Variants in CHRNA6 observed in about 807,000 individuals in gnomAD.
CHRNA6 encodes cholinergic receptor nicotinic alpha 6 subunit, also known as neuronal acetylcholine receptor subunit alpha-6.
A neutral mutation model predicts 40.9 loss-of-function variants in CHRNA6; 31 were observed. The ratio of observed to expected loss-of-function variants is 0.76; its 90% CI spans 0.57 to 1.02. CHRNA6 has a LOEUF of 1.02. Among genes scored for constraint, CHRNA6 ranks in the 50% least tolerant of loss-of-function variants. CHRNA6 has a pLI of 0.00. For synonymous variants in CHRNA6, 222 were observed against 221.3 expected, an observed-to-expected ratio of 1.00 and a Z score of -0.03; for missense variants, 546 against 596.6, an observed-to-expected ratio of 0.92 and a Z score of 0.88.
At chr8:42,761,300 G>A (rs533526275) in intron 2 of CHRNA6, among the ~76,000 whole-genome samples, 13 of 152,198 alleles carry the variant, frequency 8.5e-5, no homozygotes, top group Non-Finnish European at 1.3e-4. Context: ...ATGGCTTTAC[G>A]ATTACACAAG....
chr8:42,759,471 G>C (rs942464170), intron 2 of CHRNA6: 1 of 230,220 alleles, frequency 4.3e-6, no homozygotes, highest in Non-Finnish European at 8.9e-6. Context: ...AGATGCTGCA[G>C]AAAGTGGTGA....
intron 2 of CHRNA6, among the ~76,000 whole-genome samples, chr8:42,764,184 G>C (rs1310222548): frequency 1.3e-5 from 2 of 152,106 alleles, no homozygotes; most frequent in African/African-American, 2.4e-5. Flanking sequence ...ATGGGGGGGC[G>C]CAAAGATTAT....
At chr8:42,757,234 C>T (rs1346004927) in intron 3 of CHRNA6, among the ~76,000 whole-genome samples, 197 bp from the exon 4 acceptor site, 1 of 151,790 alleles carries the variant, frequency 6.6e-6, no homozygotes, top group Non-Finnish European at 1.5e-5. Context: ...GGTGTGGTGG[C>T]CAGCGCCTGT....
At position 42,753,160 on chromosome 8, in the gene CHRNA6, A is replaced by G. The variant is rs1208249339; in HGVS notation, c.*19T>C. 6.3e-7 allele frequency: 1 copy of G among 1,586,810 alleles called. No individual in the cohort carries two copies. Among genetic ancestry groups the G allele is most frequent in the Non-Finnish European group, 8.5e-7 (1 of 1,172,510 alleles). On this transcript the variant is annotated 3_prime_UTR_variant, in exon 6 of 6. Coordinates refer to ENST00000276410, the MANE Select transcript of CHRNA6 (RefSeq NM_004198.3). ...AAATATGGTGTCTGTAAATTTCTGAACATAAAAGAAAATACATTTTAAGAT... is the reference window on the plus strand; with the variant it reads ...AAATATGGTGTCTGTAAATTTCTGAGCATAAAAGAAAATACATTTTAAGAT...
At chr8:42,755,269 A>ATGTTTGTTTGTTTGTT (rs111982947) in intron 5 of CHRNA6, among the ~76,000 whole-genome samples, 2,041 of 148,350 alleles carry the variant, frequency 0.014, 49 homozygotes, top group African/African-American at 0.049. Flanking sequence ...GTTGCCCTGA[A>ATGTTTGTTTGTTTGTT]TGTTTGTTTG....
chr8:42,753,245 A>G lies in CHRNA6; in HGVS notation c.1419T>C (p.Ile473=). 1 of 1,612,180 alleles carries G rather than the reference A, an allele frequency of 6.2e-7. No individual in the cohort carries two copies. The highest frequency in any genetic ancestry group is 8.5e-7 in the Non-Finnish European group (1 of 1,178,752). The change falls in exon 6 of 6, where the codon ATT becomes ATC. Residue 473 remains isoleucine (I), a synonymous_variant. Coordinates refer to ENST00000276410, the MANE Select transcript of CHRNA6 (RefSeq NM_004198.3). ...VDRVFLWVFI[I]VCVFGTAGLF... is the part of the protein sequence containing the mutation. ...GCCCTGCAGTTCCAAATACACAGAC[A>G]ATTATAAATACCCAAAGAAATACTC...
chr8:42,762,114 C>T (rs949629503), intron 2 of CHRNA6, among the ~76,000 whole-genome samples: 1 of 152,180 alleles, frequency 6.6e-6, no homozygotes, highest in African/African-American at 2.4e-5. Flanking sequence ...GATCAGACAG[C>T]GGGCCTTTTC....
In CHRNA6 at chr8:42,768,537, G is replaced by A. The variant is rs1817002934; in HGVS notation, c.-107C>T. On this transcript the variant is annotated 5_prime_UTR_variant, in exon 1 of 6. Transcript: ENST00000276410. ...ACCTTGACATCATCAGAAGCCCACT[G>A]CAATCCGTGTGTGTCTTCTCAGAAA... 1 of 750,114 alleles carries A rather than the reference G, an allele frequency of 1.3e-6. No individual in the cohort carries two copies. The highest frequency in any genetic ancestry group is 2.4e-6 in the Non-Finnish European group (1 of 425,160). 46.5% of individuals were successfully genotyped at this position (750,114 alleles called of 1,614,324 possible).
chr8:42,766,486 C>T (rs551042007), intron 1 of CHRNA6, among the ~76,000 whole-genome samples: 113 of 144,978 alleles, frequency 7.8e-4, no homozygotes, highest in African/African-American at 2.5e-3. Flanking sequence ...AGTGAGACTC[C>T]GTCTCAAAAA....
At chr8:42,764,296 T>C (rs964683424) in intron 2 of CHRNA6, among the ~76,000 whole-genome samples, 2 of 152,160 alleles carry the variant, frequency 1.3e-5, no homozygotes, top group African/African-American at 4.8e-5. Context: ...CAAGGCTGAA[T>C]GGAATTGCAT....
chr8:42,768,720 G>A lies in CHRNA6; in HGVS notation c.-290C>T. On this transcript the variant is annotated 5_prime_UTR_variant, in exon 1 of 6. Transcript: ENST00000276410. ...CATGCAAGAAAGGGGAAGAAAAGCAGAAAAGAAATGCTGGGGCAGACAGGA... is the reference window on the plus strand; with the variant it reads ...CATGCAAGAAAGGGGAAGAAAAGCAAAAAAGAAATGCTGGGGCAGACAGGA... 3.5e-6 allele frequency: 1 copy of A among 289,102 alleles called. No individual in the cohort carries two copies. Among genetic ancestry groups the A allele is most frequent in the South Asian group, 8.2e-5 (1 of 12,222 alleles). 17.9% of individuals were successfully genotyped at this position (289,102 alleles called of 1,614,324 possible).
intron 5 of CHRNA6, 21 bp from the exon 6 acceptor site, chr8:42,753,331 A>G (rs1321102414): frequency 1.3e-6 from 2 of 1,595,012 alleles, no homozygotes; most frequent in Non-Finnish European, 1.7e-6. Context: ...AACAAAAATT[A>G]AGAGCTGTTT....
chr8:42,754,180 A>G (rs556929965), intron 5 of CHRNA6, among the ~76,000 whole-genome samples: 82 of 152,134 alleles, frequency 5.4e-4, no homozygotes, highest in African/African-American at 2.0e-3. Context: ...TGTTTCTTCG[A>G]TTAAAAAAAA....
At chr8:42,764,098 A>G (rs1816939779) in intron 2 of CHRNA6, among the ~76,000 whole-genome samples, 1 of 152,054 alleles carries the variant, frequency 6.6e-6, no homozygotes, top group African/African-American at 2.4e-5. Flanking sequence ...GCATCTTCCT[A>G]GAATTTGGTC....
intron 2 of CHRNA6, among the ~76,000 whole-genome samples, chr8:42,764,532 G>A (rs1021628802): frequency 2.0e-5 from 3 of 152,052 alleles, no homozygotes; most frequent in Non-Finnish European, 4.4e-5. Context: ...TTGCTATGTC[G>A]TTCAGGCTGG....
intron 3 of CHRNA6, among the ~76,000 whole-genome samples, chr8:42,758,235 A>G (rs1816839786): frequency 6.6e-6 from 1 of 152,074 alleles, no homozygotes; most frequent in African/African-American, 2.4e-5. Flanking sequence ...CTCAACTTCC[A>G]TATTCCGTGA....
intron 3 of CHRNA6, among the ~76,000 whole-genome samples, chr8:42,758,734 AG>A (rs1816849519): frequency 1.3e-5 from 2 of 152,190 alleles, no homozygotes; most frequent in African/African-American, 4.8e-5. Flanking sequence ...CATGCTCCCA[AG>A]CTCAGCTACT....
chr8:42,761,646 G>A (rs1170392008), intron 2 of CHRNA6, among the ~76,000 whole-genome samples: 4 of 152,214 alleles, frequency 2.6e-5, no homozygotes, highest in Admixed American at 2.0e-4. Context: ...CTATGGAGCA[G>A]GACCTGTCTG....
chr8:42,763,340 C>G lies in CHRNA6; in HGVS notation c.219+1725G>C, dbSNP rs1207931071. ...GCAACCACTAACACCGTGAAACTGA[C>G]TGATATTAATCTCCTGGACTGTTAA... On this transcript the variant is annotated intron_variant, in intron 2 of 5. Transcript: ENST00000276410. Among the ~76,000 whole-genome samples the G allele has an allele frequency of 2.6e-5, 4 of 152,168 alleles. No homozygotes were observed. In the East Asian group the frequency reaches 7.7e-4, roughly 29 times the overall value.
Sources: gnomAD v4.1 joint callset for allele counts (sites outside exome capture counted in the v4.1 genomes callset) on GRCh38, gnomAD v4.1.1 for gene constraint, MANE v1.5 for transcripts, NCBI Gene and HGNC (gene_info 2026-07-23, HGNC 2026-07-21) for gene names.